Variants in TMEM131 observed in about 807,000 individuals in gnomAD.
TMEM131 encodes 2610524E03Rik.
TMEM131 carries 66 observed loss-of-function variants against 211.6 expected under a neutral mutation model. The observed-to-expected ratio is 0.31, with a 90% CI of 0.26 to 0.38. TMEM131 has a LOEUF of 0.38. TMEM131 is among the 10% of genes least tolerant of loss of function. TMEM131 has a pLI of 1.00. For missense variants in TMEM131, 2,036 were observed against 2,299.3 expected (o/e 0.89, Z 2.34); for synonymous variants, 844 against 841.3 (o/e 1.00, Z -0.06).
At position 97,864,654 on chromosome 2, in the gene TMEM131, T is replaced by C. The variant is rs867789721; in HGVS notation, c.360-5227A>G. Among the ~76,000 whole-genome samples the C allele has an allele frequency of 2.0e-5, 3 of 152,172 alleles. No individual in the cohort carries two copies. The South Asian group carries it at 6.2e-4, about 32-fold the overall frequency. ...CCCCACAACAATAATGCTGAAAAAA[T>C]TTAGAAGTTAGAGGGAGGTACTGAC... On this transcript the variant is annotated intron_variant, in intron 4 of 40. Transcript: ENST00000186436.
chr2:97,880,431 T>C (rs1185347946), intron 4 of TMEM131, among the ~76,000 whole-genome samples: 3 of 152,154 alleles, frequency 2.0e-5, no homozygotes, highest in Non-Finnish European at 1.5e-5. Flanking sequence ...AGGCATATGG[T>C]AACAGTCCAG....
In TMEM131 at chr2:97,766,498, C is replaced by T. The variant is rs759160586; in HGVS notation, c.4553G>A (p.Arg1518Gln). Residue 1518 changes from arginine (R) to glutamine (Q), a missense_variant, in exon 34 of 41, where the codon CGA becomes CAA. Transcript: ENST00000186436. ...AATACCTTTTGTTTTCTGGGCATTTCGTGATTTGGATCCACTTGTCATTGC... is the reference window on the plus strand; with the variant it reads ...AATACCTTTTGTTTTCTGGGCATTTTGTGATTTGGATCCACTTGTCATTGC... ...PTAMTSGSKS[R>Q]NAQKTKGTSK... 2.0e-5 allele frequency: 32 copies of T among 1,613,920 alleles called. No individual in the cohort carries two copies. The highest frequency in any genetic ancestry group is 2.3e-5 in the Non-Finnish European group (27 of 1,179,876).
intron 33 of TMEM131, among the ~76,000 whole-genome samples, chr2:97,767,788 G>GC (rs1247806961): frequency 6.6e-6 from 1 of 152,124 alleles, no homozygotes; most frequent in Non-Finnish European, 1.5e-5. Context: ...AGGACTCCCG[G>GC]CCCCATCCTC....
rs1240202433 is a variant in TMEM131, at chr2:97,926,358, C to T, written c.249+1068G>A. ...TAAGAAACCAGGAGTTATTTAAAAT[C>T]GTTAAACCTATTGGTAAATTACAGT... On this transcript the variant is annotated intron_variant, in intron 2 of 40. Coordinates refer to ENST00000186436, the MANE Select transcript of TMEM131 (RefSeq NM_015348.2). 2.6e-5 allele frequency among the ~76,000 whole-genome samples: 4 copies of T among 152,026 alleles called. No homozygotes were observed. The South Asian group carries it at 6.2e-4, about 24-fold the overall frequency.
chr2:97,824,446 C>G (rs1343311901), intron 11 of TMEM131, among the ~76,000 whole-genome samples: 1 of 152,214 alleles, frequency 6.6e-6, no homozygotes, highest in Non-Finnish European at 1.5e-5. Context: ...CCGAGGAATC[C>G]TGGGACAGCC....
chr2:97,804,279 C>T (rs1681180286), intron 22 of TMEM131, among the ~76,000 whole-genome samples: 1 of 151,990 alleles, frequency 6.6e-6, no homozygotes, highest in Admixed American at 6.6e-5. Context: ...ATTGATTTGT[C>T]ATTAGATGCA....
chr2:97,758,808 T>C, intron 40 of TMEM131, 85 bp downstream of exon 40: 2 of 1,510,916 alleles, frequency 1.3e-6, no homozygotes, highest in Non-Finnish European at 1.8e-6. Context: ...TTTATAACTA[T>C]GTCAGTGCCA....
Position 97,942,382 on chromosome 2 carries a change from G to A in TMEM131, c.188-14895C>T, listed in dbSNP as rs576955054. 2.7e-5 allele frequency among the ~76,000 whole-genome samples: 4 copies of A among 150,542 alleles called. No homozygotes were observed. In the South Asian group the frequency reaches 8.4e-4, roughly 32 times the overall value. Reference sequence around the variant, plus strand: ...AGGAGAAATACCTAATGTAAATGACGAGTTAACGGGTACAACACACCAACA... The same window carrying A: ...AGGAGAAATACCTAATGTAAATGACAAGTTAACGGGTACAACACACCAACA... On this transcript the variant is annotated intron_variant, in intron 1 of 40. Transcript: ENST00000186436.
chr2:97,949,967 C>T (rs1359877275), intron 1 of TMEM131, among the ~76,000 whole-genome samples: 1 of 152,070 alleles, frequency 6.6e-6, no homozygotes, highest in Admixed American at 6.5e-5. Context: ...AAAATTGCAA[C>T]CATTTTCCTT....
At chr2:97,851,395 CTT>C (rs1353764814) in intron 5 of TMEM131, among the ~76,000 whole-genome samples, 1 of 152,172 alleles carries the variant, frequency 6.6e-6, no homozygotes, top group Non-Finnish European at 1.5e-5. Flanking sequence ...AATTTTGACT[CTT>C]CTCTTTCTCT....
In TMEM131 at chr2:97,895,123, G is replaced by A. The variant is rs769740691; in HGVS notation, c.291-7003C>T. ...CGAAGGCCTTTTCTGCATCTATTGAGATAGTCATGTGGTTTTTGTCGTTGG... is the reference window on the plus strand; with the variant it reads ...CGAAGGCCTTTTCTGCATCTATTGAAATAGTCATGTGGTTTTTGTCGTTGG... On this transcript the variant is annotated intron_variant, in intron 3 of 40. Coordinates refer to ENST00000186436, the MANE Select transcript of TMEM131 (RefSeq NM_015348.2). 8.5e-5 allele frequency among the ~76,000 whole-genome samples: 13 copies of A among 152,170 alleles called. 1 individual carries two copies. Among genetic ancestry groups the A allele is most frequent in the Non-Finnish European group, 1.6e-4 (11 of 68,030 alleles).
intron 11 of TMEM131, among the ~76,000 whole-genome samples, chr2:97,827,743 GTTGT>G (rs1196146013): frequency 2.0e-5 from 3 of 151,698 alleles, no homozygotes; most frequent in South Asian, 2.1e-4. Context: ...TCATTTGCTG[GTTGT>G]TTATTTTTTG....
At chr2:97,927,662 C>T (rs373148448) in intron 1 of TMEM131, among the ~76,000 whole-genome samples, 175 bp from the exon 2 acceptor site, 12 of 152,140 alleles carry the variant, frequency 7.9e-5, no homozygotes, top group African/African-American at 2.6e-4. Flanking sequence ...CTAAGAAATA[C>T]TTTAAAATAA....
intron 25 of TMEM131, among the ~76,000 whole-genome samples, chr2:97,799,644 G>C (rs77383399): frequency 1.3e-5 from 2 of 152,198 alleles, no homozygotes; most frequent in East Asian, 3.8e-4. Context: ...AGAGTTTCCT[G>C]ATGAGCCTGG....
At chr2:97,815,136 G>A in intron 13 of TMEM131, 63 bp downstream of exon 13, 2 of 911,968 alleles carry the variant, frequency 2.2e-6, no homozygotes, top group South Asian at 2.3e-5. Context: ...AGGTCATTTA[G>A]CAGGAAAATA....
intron 1 of TMEM131, among the ~76,000 whole-genome samples, chr2:97,949,938 T>A (rs376976478): frequency 2.2e-4 from 33 of 151,800 alleles, no homozygotes; most frequent in East Asian, 1.4e-3. Context: ...TCACATCAAC[T>A]ACATGAAGGC....
At chr2:97,887,933 A>G in intron 4 of TMEM131, 119 bp downstream of exon 4, 1 of 726,436 alleles carries the variant, frequency 1.4e-6, no homozygotes, top group East Asian at 2.7e-5. Flanking sequence ...TGTTTTCCTG[A>G]TGACTAGAAC....
chr2:97,798,900 T>C (rs1013122561), intron 25 of TMEM131, among the ~76,000 whole-genome samples: 27 of 152,358 alleles, frequency 1.8e-4, no homozygotes, highest in Middle Eastern at 3.4e-3. Context: ...CACAATGATG[T>C]ACTATACATA....
At chr2:97,858,445 G>C (rs538062786) in intron 5 of TMEM131, among the ~76,000 whole-genome samples, 1 of 152,248 alleles carries the variant, frequency 6.6e-6, no homozygotes, top group African/African-American at 2.4e-5. Context: ...TAAAATTTTA[G>C]AGGATATTTG....
Sources: allele counts gnomAD v4.1 joint callset (sites outside exome capture counted in the v4.1 genomes callset), GRCh38; gene constraint gnomAD v4.1.1; transcripts MANE v1.5; gene names NCBI Gene and HGNC (gene_info 2026-07-23, HGNC 2026-07-21).